The following HSDL2 variants were observed in gnomAD, a reference collection of about 807,000 sequenced individuals.
HSDL2 encodes the protein hydroxysteroid dehydrogenase like 2.
HSDL2 carries 27 observed loss-of-function variants against 46.3 expected under a neutral mutation model. The ratio of observed to expected loss-of-function variants is 0.58; its 90% CI spans 0.43 to 0.80. The LOEUF is 0.80. Ranked by LOEUF, HSDL2 falls within the 30% of genes least tolerant of loss-of-function variation. The pLI is 0.00. For missense variants in HSDL2, 451 were observed against 502.7 expected (o/e 0.90, Z 0.98); for synonymous variants, 153 against 163.6 (o/e 0.94, Z 0.50).
chr9:112,439,026 G>T (rs1054649444), intron 7 of HSDL2, among the ~76,000 whole-genome samples: 4 of 152,096 alleles, frequency 2.6e-5, no homozygotes, highest in Admixed American at 2.6e-4. Context: ...TTTGAGAAAG[G>T]GTCTCACTCT....
At chr9:112,398,584 G>T (rs1250791077) in intron 1 of HSDL2, among the ~76,000 whole-genome samples, 1 of 152,040 alleles carries the variant, frequency 6.6e-6, no homozygotes, top group East Asian at 1.9e-4. Context: ...GATAACGAAG[G>T]CCGAACGGGA....
At chr9:112,439,941 A>C (rs1234414282) in intron 7 of HSDL2, among the ~76,000 whole-genome samples, 2 of 152,236 alleles carry the variant, frequency 1.3e-5, no homozygotes, top group African/African-American at 4.8e-5. Context: ...ATTTTTGTAA[A>C]GGCTAAATGT....
chr9:112,418,786 G>A (rs773128143), intron 5 of HSDL2, 74 bp from the exon 6 acceptor site: 2 of 676,990 alleles, frequency 3.0e-6, no homozygotes, highest in Non-Finnish European at 4.7e-6. Flanking sequence ...TAGAAAAATT[G>A]GTTATTTCTA....
At chr9:112,412,082 A>G (rs547843916) in intron 4 of HSDL2, among the ~76,000 whole-genome samples, 97 of 152,286 alleles carry the variant, frequency 6.4e-4, no homozygotes, top group Middle Eastern at 3.4e-3. Flanking sequence ...GAGATCTGAA[A>G]CTTTTTGAGT....
rs1397566401 is a variant in HSDL2 at position 112,459,567 on chromosome 9, A to C, written c.1134A>C (p.Lys378Asn). The C allele has an allele frequency of 2.7e-5, 44 of 1,613,434 alleles. No homozygotes were observed. Among genetic ancestry groups the C allele is most frequent in the Non-Finnish European group, 3.6e-5 (43 of 1,179,582 alleles). Residue 378 changes from lysine (K) to asparagine (N), a missense_variant, in exon 10 of 11, where the codon AAA becomes AAC. Coordinates refer to ENST00000398805, the MANE Select transcript of HSDL2 (RefSeq NM_032303.5). ...VMSMTTDDFV[K>N]MFSGKLKPTM... ...GTATGACTACTGATGACTTTGTAAA[A>C]ATGTTTTCAGGTGAGTTTTCCAGTT...
At chr9:112,430,093 A>C (rs867328639) in intron 6 of HSDL2, among the ~76,000 whole-genome samples, 1 of 152,144 alleles carries the variant, frequency 6.6e-6, no homozygotes, top group Non-Finnish European at 1.5e-5. Context: ...CAAAAAAAAA[A>C]AAAGAAAGAA....
At chr9:112,403,423 G>A (rs1238845817) in intron 1 of HSDL2, among the ~76,000 whole-genome samples, 1 of 152,184 alleles carries the variant, frequency 6.6e-6, no homozygotes, top group Non-Finnish European at 1.5e-5. Flanking sequence ...ACTTTATTGC[G>A]GAACATTATT....
chr9:112,386,836 A>G (rs1430164199), intron 1 of HSDL2, among the ~76,000 whole-genome samples: 1 of 152,210 alleles, frequency 6.6e-6, no homozygotes, highest in Non-Finnish European at 1.5e-5. Context: ...AGAAGTATAT[A>G]GTACATGTCA....
chr9:112,385,846 C>T (rs996318412), intron 1 of HSDL2, among the ~76,000 whole-genome samples: 4 of 151,772 alleles, frequency 2.6e-5, no homozygotes, highest in African/African-American at 9.7e-5. Context: ...CCAGGCTGGT[C>T]TTGAGCTGAC....
At chr9:112,389,050 C>G (rs987261774) in intron 1 of HSDL2, among the ~76,000 whole-genome samples, 1 of 150,254 alleles carries the variant, frequency 6.7e-6, no homozygotes. Context: ...CTTTTTGAGA[C>G]AGGGTCAGTC....
chr9:112,417,923 C>T (rs75366047), intron 5 of HSDL2, among the ~76,000 whole-genome samples: 19,602 of 151,768 alleles, frequency 0.13, 1,724 homozygotes, highest in East Asian at 0.19. Context: ...ACTAAAAATA[C>T]AAAAATTAGC....
At chr9:112,442,329 A>T (rs1832658866) in intron 8 of HSDL2, among the ~76,000 whole-genome samples, 1 of 151,598 alleles carries the variant, frequency 6.6e-6, no homozygotes, top group South Asian at 2.1e-4. Flanking sequence ...GCGTTTGGTT[A>T]AAAACAAGTC....
intron 1 of HSDL2, among the ~76,000 whole-genome samples, chr9:112,391,515 T>A (rs1326143046): frequency 6.6e-6 from 1 of 151,824 alleles, no homozygotes; most frequent in Non-Finnish European, 1.5e-5. Flanking sequence ...ATAAAAATAG[T>A]GAAAAAGCAA....
At chr9:112,440,187 A>T (rs1227484301) in intron 7 of HSDL2, among the ~76,000 whole-genome samples, 3 of 152,130 alleles carry the variant, frequency 2.0e-5, no homozygotes, top group Non-Finnish European at 4.4e-5. Flanking sequence ...AAGTTTTAAA[A>T]TTTTATTTAA....
intron 6 of HSDL2, among the ~76,000 whole-genome samples, chr9:112,437,933 A>G (rs1393144286): frequency 2.0e-5 from 3 of 152,236 alleles, no homozygotes; most frequent in African/African-American, 7.2e-5. Context: ...TTTTCCACCC[A>G]GTTCTCTCCG....
intron 1 of HSDL2, among the ~76,000 whole-genome samples, chr9:112,381,170 G>A (rs1323450281): frequency 6.6e-6 from 1 of 151,162 alleles, no homozygotes; most frequent in African/African-American, 2.4e-5. Flanking sequence ...GCTACTTTTA[G>A]TTGGTATGTC....
chr9:112,402,259 C>G (rs901740267), intron 1 of HSDL2, among the ~76,000 whole-genome samples: 1 of 152,094 alleles, frequency 6.6e-6, no homozygotes, highest in African/African-American at 2.4e-5. Context: ...TTAGGTGTCT[C>G]CGTTTCACTT....
intron 8 of HSDL2, among the ~76,000 whole-genome samples, chr9:112,443,369 A>T (rs1178958131): frequency 6.6e-6 from 1 of 152,128 alleles, no homozygotes; most frequent in African/African-American, 2.4e-5. Flanking sequence ...CCCAAGACAG[A>T]TACTCCCCTC....
chr9:112,428,134 GAAAC>G (rs1832294927), intron 6 of HSDL2, among the ~76,000 whole-genome samples: 2 of 152,166 alleles, frequency 1.3e-5, no homozygotes, highest in South Asian at 4.2e-4. Flanking sequence ...TAGACGATGG[GAAAC>G]AAAGGACTAT....
Sources: gnomAD v4.1 joint callset for allele counts (sites outside exome capture counted in the v4.1 genomes callset) on GRCh38, gnomAD v4.1.1 for gene constraint, MANE v1.5 for transcripts, NCBI Gene and HGNC (gene_info 2026-07-23, HGNC 2026-07-21) for gene names.